NOCT: variants seen among roughly 807,000 people sequenced by gnomAD.
NOCT encodes the protein CCR4 carbon catabolite repression 4-like.
A neutral mutation model predicts 35.0 loss-of-function variants in NOCT; 18 were observed. The ratio of observed to expected loss-of-function variants is 0.51; its 90% CI spans 0.36 to 0.76. The LOEUF (loss-of-function observed/expected upper bound fraction) is 0.76. Among genes scored for constraint, NOCT ranks in the 30% least tolerant of loss-of-function variants. The probability of loss-of-function intolerance (pLI) is 0.01; values close to 1 mark genes in which losing one functional copy is unlikely to be tolerated. For missense variants in NOCT, 479 were observed against 541.0 expected (o/e 0.89, Z 1.14); for synonymous variants, 235 against 226.3 (o/e 1.04, Z -0.34).
intron 1 of NOCT, among the ~76,000 whole-genome samples, chr4:139,021,845 GCCTC>G: frequency 6.6e-6 from 1 of 150,990 alleles, no homozygotes; most frequent in Non-Finnish European, 1.5e-5. Flanking sequence ...TGCAACCTGT[GCCTC>G]CCGGGTTCAA....
At chr4:139,031,889 T>G (rs1726631049) in intron 1 of NOCT, among the ~76,000 whole-genome samples, 1 of 151,924 alleles carries the variant, frequency 6.6e-6, no homozygotes, top group Admixed American at 6.6e-5. Flanking sequence ...ATTTTTGTAT[T>G]TTTAGTAGAG....
At chr4:139,043,518 CA>C in intron 2 of NOCT, 175 bp downstream of exon 2, 1 of 520,106 alleles carries the variant, frequency 1.9e-6, no homozygotes, top group South Asian at 3.2e-5. Context: ...ATCTGGTTTT[CA>C]CTTTTTTTTT....
rs1726876924 is a variant in NOCT at position 139,043,535 on chromosome 4, T to TA, written c.460+193dup. ...CTGGTTTTCACTTTTTTTTTTTTTTTAGAAAGAAAAAAGACACTTTAATTG... is the reference window on the plus strand; with the variant it reads ...CTGGTTTTCACTTTTTTTTTTTTTTTAAGAAAGAAAAAAGACACTTTAATTG... On this transcript the variant is annotated intron_variant, in intron 2 of 2. Transcript: ENST00000280614. 4 of 549,664 alleles carry TA rather than the reference T, an allele frequency of 7.3e-6. No individual in the cohort carries two copies. In the South Asian group the frequency reaches 7.7e-5, roughly 11 times the overall value. The allele number at this position is 549,664 out of a possible 1,614,324, so 34.0% of individuals were successfully genotyped here.
chr4:139,026,862 C>CTT (rs1165378672), intron 1 of NOCT, among the ~76,000 whole-genome samples: 7 of 120,334 alleles, frequency 5.8e-5, no homozygotes, highest in East Asian at 2.6e-4. Flanking sequence ...TTTTTTTTTT[C>CTT]TTTTTTTTTT....
At chr4:139,040,563 C>T (rs935672438) in intron 1 of NOCT, among the ~76,000 whole-genome samples, 26 of 152,124 alleles carry the variant, frequency 1.7e-4, no homozygotes, top group Admixed American at 3.3e-4. Context: ...GACATCCTTC[C>T]TTCTGCACAT....
intron 1 of NOCT, chr4:139,028,362 G>A (rs1726561319): frequency 6.6e-6 from 1 of 152,294 alleles, no homozygotes; most frequent in African/African-American, 2.4e-5. Flanking sequence ...GGCAAAGAGA[G>A]GTTGTTTGGA....
intron 1 of NOCT, among the ~76,000 whole-genome samples, chr4:139,033,947 C>T (rs1372940783): frequency 1.3e-5 from 2 of 152,034 alleles, no homozygotes; most frequent in Non-Finnish European, 2.9e-5. Flanking sequence ...TACTCTCAAA[C>T]TCCTGGATTT....
chr4:139,016,641 GTTTTTTTTTTTTTTTT>G (rs10541748), intron 1 of NOCT, among the ~76,000 whole-genome samples: 5 of 53,804 alleles, frequency 9.3e-5, no homozygotes, highest in East Asian at 1.4e-3. Context: ...GTTTTACGTT[GTTTTTTTTTTTTTTTT>G]TTTTTTTTTT....
chr4:139,015,815 C>G lies in NOCT; in HGVS notation c.-167C>G, dbSNP rs919476483. On this transcript the variant is annotated 5_prime_UTR_variant, in exon 1 of 3. Transcript: ENST00000280614. ...CGACGCAGCGGTGTTGCACCTCCCT[C>G]TCCGGCTCTGCTGCCCGGGATTTCC... The G allele has an allele frequency of 4.2e-6, 2 of 474,470 alleles. No homozygotes were observed. The highest frequency in any genetic ancestry group is 9.1e-5 in the South Asian group (1 of 10,934). The allele number at this position is 474,470 out of a possible 1,614,324, so 29.4% of individuals were successfully genotyped here.
Position 139,018,695 on chromosome 4 carries a change from G to T in NOCT, c.190+2524G>T, listed in dbSNP as rs1231237029. Among the ~76,000 whole-genome samples the T allele has an allele frequency of 2.6e-5, 4 of 152,198 alleles. No individual in the cohort carries two copies. The East Asian group carries it at 7.7e-4, about 29-fold the overall frequency. On this transcript the variant is annotated intron_variant, in intron 1 of 2. Coordinates refer to ENST00000280614, the MANE Select transcript of NOCT (RefSeq NM_012118.4). ...ATGGGAGTTAAAAACATGAGCTTTA[G>T]TCAGTCCCTAAGGAGTTTACTGCCC...
At chr4:139,019,381 T>C (rs566203840) in intron 1 of NOCT, among the ~76,000 whole-genome samples, 1 of 152,296 alleles carries the variant, frequency 6.6e-6, no homozygotes, top group African/African-American at 2.4e-5. Flanking sequence ...AAATGCAGAT[T>C]CTTGGATCCT....
chr4:139,038,465 A>C (rs1305103642), intron 1 of NOCT, among the ~76,000 whole-genome samples: 1 of 152,134 alleles, frequency 6.6e-6, no homozygotes, highest in Non-Finnish European at 1.5e-5. Flanking sequence ...TGGCTTTAAC[A>C]AGAATGTTTT....
chr4:139,030,081 A>G (rs1328642121), intron 1 of NOCT, among the ~76,000 whole-genome samples: 1 of 152,030 alleles, frequency 6.6e-6, no homozygotes, highest in Non-Finnish European at 1.5e-5. Context: ...TAGTAGAGAC[A>G]GGGTTGTTGG....
In NOCT at chr4:139,016,189, C is replaced by T; in HGVS notation, c.190+18C>T. 8.1e-7 allele frequency: 1 copy of T among 1,232,914 alleles called. No homozygotes were observed. Among genetic ancestry groups the T allele is most frequent in the Non-Finnish European group, 1.0e-6 (1 of 986,320 alleles). The allele number at this position is 1,232,914 out of a possible 1,614,324, so 76.4% of individuals were successfully genotyped here. On this transcript the variant is annotated intron_variant, in intron 1 of 2. Transcript: ENST00000280614. ...CCGAACAGGTGAGTGCACCCCAGTT[C>T]CGGGCGGAGAACGCCACGGCCGCCA... is the stretch of plus-strand genomic sequence containing the variant.
At chr4:139,026,549 ACTT>A (rs1412905601) in intron 1 of NOCT, among the ~76,000 whole-genome samples, 2 of 142,838 alleles carry the variant, frequency 1.4e-5, no homozygotes, top group Non-Finnish European at 3.0e-5. Flanking sequence ...AATTTTTCAT[ACTT>A]CTTTTTTTTT....
intron 1 of NOCT, among the ~76,000 whole-genome samples, chr4:139,040,438 G>T (rs754228742): frequency 6.6e-6 from 1 of 152,046 alleles, no homozygotes; most frequent in African/African-American, 2.4e-5. Flanking sequence ...GTCTGATATT[G>T]TTCTATTCTT....
At chr4:139,038,233 G>A (rs1255722719) in intron 1 of NOCT, among the ~76,000 whole-genome samples, 1 of 151,580 alleles carries the variant, frequency 6.6e-6, no homozygotes. Flanking sequence ...ATTTTAAAAA[G>A]TTAGGTAAGC....
intron 1 of NOCT, among the ~76,000 whole-genome samples, chr4:139,032,468 C>T (rs10212663): frequency 0.29 from 44,134 of 151,682 alleles, 6,556 homozygotes; most frequent in Middle Eastern, 0.37. Context: ...CAGCCTGGGA[C>T]GCTTAGTGAG....
intron 1 of NOCT, among the ~76,000 whole-genome samples, chr4:139,039,845 AC>A (rs1726803625): frequency 6.6e-6 from 1 of 151,788 alleles, no homozygotes; most frequent in African/African-American, 2.4e-5. Context: ...CTCCTGCCTC[AC>A]CCTCGCGAGT....
Sources: allele counts gnomAD v4.1 joint callset (sites outside exome capture counted in the v4.1 genomes callset), GRCh38; gene constraint gnomAD v4.1.1; transcripts MANE v1.5; gene names NCBI Gene and HGNC (gene_info 2026-07-23, HGNC 2026-07-21).